The following CRACD variants were observed in gnomAD, a reference collection of about 807,000 sequenced individuals.
CRACD encodes capping protein-inhibiting regulator of actin dynamics.
In CRACD, 56 loss-of-function variants were observed where a neutral mutation model predicts 106.8. That is an observed-to-expected ratio of 0.52 (90% confidence interval 0.42 to 0.66). The LOEUF (loss-of-function observed/expected upper bound fraction) is 0.66. CRACD is among the 30% of genes least tolerant of loss of function. The pLI is 0.00. For missense variants in CRACD, 1,730 were observed against 1,623.2 expected, an observed-to-expected ratio of 1.07 and a Z score of -1.13; for synonymous variants, 754 against 670.8, an observed-to-expected ratio of 1.12 and a Z score of -1.92.
At chr4:56,133,007 T>C (rs17086329) in intron 1 of CRACD, among the ~76,000 whole-genome samples, 1,564 of 152,236 alleles carry the variant, frequency 0.01, 24 homozygotes, top group African/African-American at 0.036. Context: ...ATCTGACCTA[T>C]TTTTTTGCAA....
intron 1 of CRACD, among the ~76,000 whole-genome samples, chr4:56,068,696 A>G (rs2109793632): frequency 6.6e-6 from 1 of 152,230 alleles, no homozygotes; most frequent in African/African-American, 2.4e-5. Context: ...GTGTGAGAGA[A>G]TGAGGAATCA....
chr4:56,151,760 C>A (rs1735586866), intron 1 of CRACD, among the ~76,000 whole-genome samples: 1 of 151,952 alleles, frequency 6.6e-6, no homozygotes, highest in African/African-American at 2.4e-5. Flanking sequence ...ACTGTGATGA[C>A]CTTCACATTT....
intron 2 of CRACD, among the ~76,000 whole-genome samples, chr4:56,213,043 A>G (rs1015826883): frequency 4.6e-5 from 7 of 152,236 alleles, no homozygotes; most frequent in Non-Finnish European, 1.0e-4. Context: ...CCATGGGCCT[A>G]GCAGGTAGCC....
chr4:56,111,681 AT>A (rs1382119125), intron 1 of CRACD, among the ~76,000 whole-genome samples: 15 of 149,610 alleles, frequency 1.0e-4, no homozygotes, highest in South Asian at 2.1e-4. Flanking sequence ...AGCCCAGCTA[AT>A]TTTTTTTTTG....
rs372372750 is a variant in CRACD, at chr4:56,324,262, G to A, written c.3537G>A (p.Val1179=). 6.0e-5 allele frequency: 97 copies of A among 1,612,506 alleles called. No homozygotes were observed. Among genetic ancestry groups the A allele is most frequent in the Non-Finnish European group, 8.0e-5 (94 of 1,179,238 alleles). Residue 1179 remains valine (V), a synonymous_variant, in exon 10 of 11, where the codon GTG becomes GTA. Transcript: ENST00000682029. The stretch of plus-strand genomic sequence containing the variant: ...AGGCCAATACTCTTCCTACGTCTGT[G>A]ACAGGTAGAGAGCAGGTCCATTGCT... ...LKKANTLPTS[V]TVEISDSAPP...
chr4:56,110,287 T>C (rs1312047020), intron 1 of CRACD, among the ~76,000 whole-genome samples: 1 of 152,096 alleles, frequency 6.6e-6, no homozygotes, highest in African/African-American at 2.4e-5. Context: ...TGTCTGAGGG[T>C]GGAAGAAGTA....
intron 1 of CRACD, among the ~76,000 whole-genome samples, chr4:56,125,156 C>T (rs185996065): frequency 6.6e-6 from 1 of 152,266 alleles, no homozygotes; most frequent in Non-Finnish European, 1.5e-5. Context: ...CTATCTTTGT[C>T]CCCATGTAAA....
chr4:56,172,975 C>T (rs186014946), intron 1 of CRACD, among the ~76,000 whole-genome samples: 26 of 152,260 alleles, frequency 1.7e-4, no homozygotes, highest in African/African-American at 4.1e-4. Context: ...AGGCTGGTCT[C>T]GAACTCTCAA....
chr4:56,097,247 A>C (rs1033132634), intron 1 of CRACD: 2 of 152,472 alleles, frequency 1.3e-5, no homozygotes, highest in Non-Finnish European at 2.9e-5. Context: ...CCTGTTGGGG[A>C]TTTGAAACAA....
chr4:56,168,273 G>T (rs978787796), intron 1 of CRACD, among the ~76,000 whole-genome samples: 2 of 151,924 alleles, frequency 1.3e-5, no homozygotes, highest in South Asian at 2.1e-4. Flanking sequence ...TATTAGAAAA[G>T]GATGTTGTTT....
chr4:56,303,810 G>A (rs1350737394), intron 4 of CRACD, among the ~76,000 whole-genome samples: 1 of 152,196 alleles, frequency 6.6e-6, no homozygotes, highest in East Asian at 1.9e-4. Context: ...CATCCCAGAT[G>A]GCTGTAGGGC....
In CRACD at chr4:56,316,540, G is replaced by A. The variant is rs772549120; in HGVS notation, c.3038G>A (p.Arg1013His). 2.0e-5 allele frequency: 32 copies of A among 1,613,164 alleles called. No homozygotes were observed. Among genetic ancestry groups the A allele is most frequent in the South Asian group, 1.3e-4 (12 of 91,014 alleles). The change falls in exon 8 of 11, where the codon CGC (arginine) becomes CAC (histidine). Residue 1013 changes from arginine (R) to histidine (H), a missense_variant. Arg to His is a conservative substitution (Grantham distance 29). This residue lies in a region of CRACD where 1,620 missense variants were observed against 1,481.6 expected (regional missense o/e 1.09). Coordinates refer to ENST00000682029, the MANE Select transcript of CRACD (RefSeq NM_001393381.1). ...PSKEDQESSD[R>H]RPPSPPGPEE... ...AAGGAGGACCAGGAGAGCAGTGACC[G>A]CCGGCCACCCTCGCCCCCAGGCCCC...
intron 2 of CRACD, among the ~76,000 whole-genome samples, chr4:56,245,765 TCAAA>T (rs1160946844): frequency 6.6e-6 from 1 of 152,170 alleles, no homozygotes; most frequent in African/African-American, 2.4e-5. Flanking sequence ...ATATTCTGTC[TCAAA>T]CACTCAGTCC....
At chr4:56,191,689 A>G (rs1236131669) in intron 2 of CRACD, among the ~76,000 whole-genome samples, 2 of 152,238 alleles carry the variant, frequency 1.3e-5, no homozygotes, top group African/African-American at 2.4e-5. Context: ...GCCTGCAGTC[A>G]GGGCGTTTGC....
chr4:56,186,830 G>A (rs1220128950), intron 2 of CRACD, among the ~76,000 whole-genome samples: 1 of 152,162 alleles, frequency 6.6e-6, no homozygotes, highest in Non-Finnish European at 1.5e-5. Flanking sequence ...GGTAGGCCAT[G>A]GCGGGAAGAC....
At chr4:56,115,998 G>C (rs1734262206) in intron 1 of CRACD, among the ~76,000 whole-genome samples, 1 of 152,170 alleles carries the variant, frequency 6.6e-6, no homozygotes, top group Admixed American at 6.5e-5. Flanking sequence ...TTGCCAGTTA[G>C]TGTTAGGTGT....
At chr4:56,271,632 C>A (rs1365327711) in intron 2 of CRACD, among the ~76,000 whole-genome samples, 2 of 152,196 alleles carry the variant, frequency 1.3e-5, no homozygotes, top group African/African-American at 4.8e-5. Flanking sequence ...TGGAGAAGGG[C>A]ATTTGGCTAT....
intron 1 of CRACD, among the ~76,000 whole-genome samples, chr4:56,154,329 A>G (rs181264034): frequency 5.3e-4 from 80 of 152,168 alleles, no homozygotes; most frequent in African/African-American, 1.9e-3. Context: ...AGCAGGGCTC[A>G]GTGATATGCA....
At chr4:56,114,289 G>A (rs1734212852) in intron 1 of CRACD, among the ~76,000 whole-genome samples, 1 of 151,548 alleles carries the variant, frequency 6.6e-6, no homozygotes, top group South Asian at 2.1e-4. Context: ...AAGGAGGAAT[G>A]GCATCACCTC....
Sources: gnomAD v4.1 joint callset for allele counts (sites outside exome capture counted in the v4.1 genomes callset) on GRCh38, gnomAD v4.1.1 for gene constraint, gnomAD v4.1.1 regional missense constraint, MANE v1.5 for transcripts, NCBI Gene and HGNC (gene_info 2026-07-23, HGNC 2026-07-21) for gene names.